INSYN2B: variants seen among roughly 807,000 people sequenced by gnomAD.
The protein encoded by INSYN2B is protein INSYN2B.
A neutral mutation model predicts 41.2 loss-of-function variants in INSYN2B; 16 were observed. That is an observed-to-expected ratio of 0.39 (90% CI 0.26 to 0.59). The LOEUF is 0.59. Among genes scored for constraint, INSYN2B ranks in the 20% least tolerant of loss-of-function variants. INSYN2B has a pLI of 0.57. For synonymous variants in INSYN2B, 245 were observed against 244.4 expected, an observed-to-expected ratio of 1.00 and a Z score of -0.02; for missense variants, 608 against 646.4, an observed-to-expected ratio of 0.94 and a Z score of 0.64.
intron 1 of INSYN2B, among the ~76,000 whole-genome samples, chr5:169,903,293 AAAC>A (rs1189117124): frequency 5.4e-5 from 8 of 146,856 alleles, no homozygotes; most frequent in South Asian, 2.3e-4. Flanking sequence ...CATCTCTAAA[AAAC>A]AACAACAACA....
At chr5:169,912,619 G>GTA (rs1028979068) in intron 1 of INSYN2B, among the ~76,000 whole-genome samples, 1 of 119,104 alleles carries the variant, frequency 8.4e-6, no homozygotes, top group African/African-American at 3.9e-5. Flanking sequence ...GTGGTGGAGT[G>GTA]TATGTGTGTG....
intron 1 of INSYN2B, among the ~76,000 whole-genome samples, chr5:169,932,562 G>A (rs978385788): frequency 8.5e-5 from 13 of 152,278 alleles, no homozygotes; most frequent in Admixed American, 5.2e-4. Context: ...TCAGTTTTGG[G>A]TTTTTTAGAC....
chr5:169,928,070 G>A (rs2113672687), intron 1 of INSYN2B, among the ~76,000 whole-genome samples: 1 of 152,302 alleles, frequency 6.6e-6, no homozygotes, highest in East Asian at 1.9e-4. Flanking sequence ...ATATCAGGGA[G>A]AAAGTCCACA....
intron 1 of INSYN2B, among the ~76,000 whole-genome samples, chr5:169,974,442 C>A (rs1777641293): frequency 6.6e-6 from 1 of 152,150 alleles, no homozygotes; most frequent in Admixed American, 6.5e-5. Flanking sequence ...GGAGGCTTAG[C>A]CTAGTATCTA....
At chr5:169,897,880 G>A (rs76842452) in intron 1 of INSYN2B, among the ~76,000 whole-genome samples, 8,775 of 152,262 alleles carry the variant, frequency 0.058, 322 homozygotes, top group Non-Finnish European at 0.083. Flanking sequence ...GAAGAGCTGA[G>A]CTTTCCTCCC....
At chr5:169,898,838 C>T (rs758101179) in intron 1 of INSYN2B, among the ~76,000 whole-genome samples, 34 of 151,996 alleles carry the variant, frequency 2.2e-4, no homozygotes, top group Middle Eastern at 3.2e-3. Flanking sequence ...AGATTTGGCC[C>T]GTGGACGGTA....
At chr5:169,894,467 C>T (rs1773476594) in intron 1 of INSYN2B, among the ~76,000 whole-genome samples, 1 of 152,166 alleles carries the variant, frequency 6.6e-6, no homozygotes, top group African/African-American at 2.4e-5. Flanking sequence ...GCGCCATCCA[C>T]CCTGGTACAG....
intron 1 of INSYN2B, among the ~76,000 whole-genome samples, chr5:169,966,038 A>C (rs774722819): frequency 2.7e-4 from 41 of 152,322 alleles, no homozygotes; most frequent in Admixed American, 5.9e-4. Context: ...CTGCCTTCCG[A>C]AGAGCAGGAA....
chr5:169,907,061 G>A (rs906942005), intron 1 of INSYN2B, among the ~76,000 whole-genome samples: 3 of 152,156 alleles, frequency 2.0e-5, no homozygotes, highest in Non-Finnish European at 2.9e-5. Context: ...CAATCCTGTA[G>A]GTGAAAAGAT....
chr5:169,969,072 C>T (rs1306181323), intron 1 of INSYN2B, among the ~76,000 whole-genome samples: 1 of 152,136 alleles, frequency 6.6e-6, no homozygotes, highest in African/African-American at 2.4e-5. Flanking sequence ...ATTGCTTGAG[C>T]CCAGCAAGTC....
At chr5:169,897,352 C>T (rs79132556) in intron 1 of INSYN2B, among the ~76,000 whole-genome samples, 8,744 of 151,964 alleles carry the variant, frequency 0.058, 316 homozygotes, top group Non-Finnish European at 0.083. Context: ...ACCCAGCTAA[C>T]CATTTTTGTA....
At chr5:169,950,177 G>A (rs1776601197) in intron 1 of INSYN2B, among the ~76,000 whole-genome samples, 1 of 152,108 alleles carries the variant, frequency 6.6e-6, no homozygotes, top group Admixed American at 6.5e-5. Context: ...GTGGAAGGTG[G>A]TTGGAAGCTT....
chr5:169,928,806 A>G (rs547872833), intron 1 of INSYN2B, among the ~76,000 whole-genome samples: 2 of 152,336 alleles, frequency 1.3e-5, no homozygotes, highest in Non-Finnish European at 2.9e-5. Context: ...ATCTAATGTT[A>G]TTAGGTTAAA....
intron 1 of INSYN2B, among the ~76,000 whole-genome samples, chr5:169,935,593 T>TTTATCACGTCCTACCTACTTTGCG (rs1775951628): frequency 6.6e-6 from 1 of 152,162 alleles, no homozygotes; most frequent in Non-Finnish European, 1.5e-5. Flanking sequence ...AAGTCGGAGT[T>TTTATCACGTCCTACCTACTTTGCG]TTATCACGTC....
intron 1 of INSYN2B, among the ~76,000 whole-genome samples, chr5:169,955,979 C>A (rs974040448): frequency 1.8e-4 from 27 of 150,310 alleles, no homozygotes; most frequent in African/African-American, 6.6e-4. Context: ...TAAAAAGGAA[C>A]AGGGTGTGGC....
At chr5:169,866,027 C>T (rs1348022090) in intron 3 of INSYN2B, among the ~76,000 whole-genome samples, 1 of 151,698 alleles carries the variant, frequency 6.6e-6, no homozygotes, top group Non-Finnish European at 1.5e-5. Context: ...GCTGAAGAGT[C>T]AGAGGGGCGA....
chr5:169,866,695 C>T (rs1022054989), intron 3 of INSYN2B, among the ~76,000 whole-genome samples: 1 of 152,186 alleles, frequency 6.6e-6, no homozygotes, highest in African/African-American at 2.4e-5. Flanking sequence ...CAGAATTTGC[C>T]AGGCCAGTGG....
chr5:169,966,254 T>TA (rs1777296071), intron 1 of INSYN2B, among the ~76,000 whole-genome samples: 1 of 152,106 alleles, frequency 6.6e-6, no homozygotes, highest in Non-Finnish European at 1.5e-5. Context: ...ATAACAAAGA[T>TA]AAAATGGGCT....
intron 1 of INSYN2B, among the ~76,000 whole-genome samples, chr5:169,960,738 A>G (rs930225735): frequency 2.0e-5 from 3 of 152,208 alleles, no homozygotes; most frequent in Non-Finnish European, 4.4e-5. Flanking sequence ...CTTGCAGTTA[A>G]TTGTGGTCCA....
Sources: allele counts gnomAD v4.1 joint callset (sites outside exome capture counted in the v4.1 genomes callset), GRCh38; gene constraint gnomAD v4.1.1; transcripts MANE v1.5; gene names NCBI Gene and HGNC (gene_info 2026-07-23, HGNC 2026-07-21).